The following TMEM132D variants were observed in gnomAD, a reference collection of about 807,000 sequenced individuals.
TMEM132D encodes transmembrane protein 132D.
A neutral mutation model predicts 62.3 loss-of-function variants in TMEM132D; 21 were observed. The observed-to-expected ratio is 0.34, with a 90% CI of 0.24 to 0.49. The LOEUF is 0.49. TMEM132D is among the 20% of genes least tolerant of loss of function. The probability of loss-of-function intolerance (pLI) is 0.99; values close to 1 mark genes in which losing one functional copy is unlikely to be tolerated. For synonymous variants in TMEM132D, 621 were observed against 575.6 expected (o/e 1.08, Z -1.13); for missense variants, 1,346 against 1,402.8 (o/e 0.96, Z 0.65).
chr12:129,554,519 G>T (rs1876997565), intron 2 of TMEM132D, among the ~76,000 whole-genome samples: 1 of 152,028 alleles, frequency 6.6e-6, no homozygotes, highest in Non-Finnish European at 1.5e-5. Context: ...GTTCCATGAG[G>T]CCTCATGGTA....
intron 5 of TMEM132D, among the ~76,000 whole-genome samples, chr12:129,195,867 C>G (rs1022458007): frequency 6.6e-6 from 1 of 152,178 alleles, no homozygotes; most frequent in African/African-American, 2.4e-5. Flanking sequence ...TGGCTCACAG[C>G]TGTAATCCCA....
chr12:129,667,209 C>T (rs1278757392), intron 2 of TMEM132D, among the ~76,000 whole-genome samples: 1 of 152,040 alleles, frequency 6.6e-6, no homozygotes, highest in Non-Finnish European at 1.5e-5. Context: ...AAAATCTTAC[C>T]TTACGGTCAA....
intron 4 of TMEM132D, among the ~76,000 whole-genome samples, chr12:129,309,869 A>G (rs532794425): frequency 5.3e-5 from 8 of 152,274 alleles, no homozygotes; most frequent in African/African-American, 1.9e-4. Context: ...ATAAGAAAAT[A>G]GATACAAAAG....
intron 1 of TMEM132D, chr12:129,853,280 A>T (rs1566008961): frequency 6.6e-6 from 1 of 152,244 alleles, no homozygotes; most frequent in Non-Finnish European, 1.5e-5. Flanking sequence ...GATGAGGAGA[A>T]TGGTTTCCTT....
chr12:129,859,173 G>A (rs563291832), intron 1 of TMEM132D, among the ~76,000 whole-genome samples: 14 of 152,200 alleles, frequency 9.2e-5, no homozygotes, highest in Non-Finnish European at 1.8e-4. Context: ...CCAGAAACCA[G>A]GTTCCCAGCA....
intron 1 of TMEM132D, among the ~76,000 whole-genome samples, chr12:129,866,264 TA>T (rs920547034): frequency 5.9e-5 from 9 of 151,938 alleles, no homozygotes; most frequent in Non-Finnish European, 1.2e-4. Flanking sequence ...TATGCAGCCA[TA>T]AAAAATGATG....
chr12:129,208,892 T>C (rs1878938599), intron 5 of TMEM132D: 2 of 152,284 alleles, frequency 1.3e-5, no homozygotes, highest in Non-Finnish European at 2.9e-5. Context: ...TGCCTTTGTT[T>C]TGAATCATTT....
In TMEM132D at chr12:129,894,406, A is replaced by G. The variant is rs527698041; in HGVS notation, c.79+8855T>C. On this transcript the variant is annotated intron_variant, in intron 1 of 8. Transcript: ENST00000422113. The stretch of plus-strand genomic sequence containing the variant: ...TGGGAGGGGACTCAGCCAAGGGGAT[A>G]TCAAGGCCTATCCACCAGTAGAGCA... Among the ~76,000 whole-genome samples, 6 of 152,334 alleles carry G rather than the reference A, an allele frequency of 3.9e-5. No individual in the cohort carries two copies. In the South Asian group the frequency reaches 1.2e-3, roughly 32 times the overall value.
intron 3 of TMEM132D, among the ~76,000 whole-genome samples, chr12:129,367,137 C>G (rs1870439750): frequency 6.6e-6 from 1 of 152,238 alleles, no homozygotes; most frequent in Non-Finnish European, 1.5e-5. Context: ...CAAGACGACC[C>G]TCAGCCAAGG....
At chr12:129,135,276 G>A (rs1284735946) in intron 5 of TMEM132D, among the ~76,000 whole-genome samples, 1 of 152,058 alleles carries the variant, frequency 6.6e-6, no homozygotes, top group African/African-American at 2.4e-5. Context: ...TCTGTTTCTC[G>A]AAGTCAAGAG....
rs2135611150 is a variant in TMEM132D at position 129,078,601 on chromosome 12, C to G, written c.2048G>C (p.Ser683Thr). The G allele has an allele frequency of 3.7e-6, 6 of 1,614,194 alleles. No homozygotes were observed. Among genetic ancestry groups the G allele is most frequent in the Non-Finnish European group, 5.1e-6 (6 of 1,180,044 alleles). ...VTGLSLSLQL[S>T]PGSNRAIFAT... ...AAAGATGGCCCTGTTGCTTCCTGGG[C>G]TGAGCTGCAAGGAGAGTGACAGCCC... is the stretch of plus-strand genomic sequence containing the variant. The change falls in exon 8 of 9, where the codon AGC (serine) becomes ACC (threonine). Residue 683 changes from serine to threonine, a missense_variant. Physicochemically the swap from Ser to Thr is moderately conservative, Grantham distance 58 (BLOSUM62 1). Transcript: ENST00000422113.
intron 4 of TMEM132D, among the ~76,000 whole-genome samples, chr12:129,335,183 G>A (rs1212999039): frequency 7.0e-6 from 1 of 141,876 alleles, no homozygotes; most frequent in East Asian, 2.1e-4. Context: ...ACAGGCTGGA[G>A]TGCTGTGGTA....
intron 4 of TMEM132D, among the ~76,000 whole-genome samples, chr12:129,291,329 T>C (rs1017598392): frequency 6.6e-6 from 1 of 152,218 alleles, no homozygotes; most frequent in Non-Finnish European, 1.5e-5. Flanking sequence ...AGGTTAAAAG[T>C]AATTATGGTG....
rs1303124680 is a variant in TMEM132D, at chr12:129,636,728, G to GTC, written c.968+63081_968+63082insGA. ...TGTGTGTGTGTGTGTGTGTGTGTGT[G>GTC]TGTGTGTGTGAGAGAGAGAGAGAGA... On this transcript the variant is annotated intron_variant, in intron 2 of 8. Transcript: ENST00000422113. Among the ~76,000 whole-genome samples the GTC allele has an allele frequency of 2.1e-3, 277 of 132,710 alleles. 1 individual carries two copies. The highest frequency in any genetic ancestry group is 7.4e-3 in the African/African-American group (264 of 35,558). 87.1% of individuals were successfully genotyped at this position (132,710 alleles called of 152,430 possible). A position where few individuals can be genotyped will look rare whatever the true frequency, so the allele number is the denominator to read the frequency against.
intron 4 of TMEM132D, among the ~76,000 whole-genome samples, chr12:129,234,046 G>C (rs984830294): frequency 2.0e-5 from 3 of 152,162 alleles, no homozygotes; most frequent in Admixed American, 2.0e-4. Context: ...CATTGAGTTA[G>C]ATATGTGCAT....
intron 2 of TMEM132D, among the ~76,000 whole-genome samples, chr12:129,558,620 G>A (rs554440742): frequency 6.6e-6 from 1 of 152,234 alleles, no homozygotes; most frequent in African/African-American, 2.4e-5. Context: ...CGTAACCCAG[G>A]ACCACACGGG....
intron 1 of TMEM132D, among the ~76,000 whole-genome samples, chr12:129,875,698 G>A (rs1954879563): frequency 6.6e-6 from 1 of 152,116 alleles, no homozygotes; most frequent in Non-Finnish European, 1.5e-5. Context: ...TTGGCAGGGA[G>A]GCAACGGGAA....
At chr12:129,500,902 G>A (rs921368063) in intron 3 of TMEM132D, among the ~76,000 whole-genome samples, 3 of 152,118 alleles carry the variant, frequency 2.0e-5, no homozygotes, top group Non-Finnish European at 1.5e-5. Context: ...TTTTTATGAC[G>A]GATTCCAGTG....
rs548163121 is a variant in TMEM132D, at chr12:129,380,927, T to A, written c.1116-43110A>T. 6.4e-4 allele frequency among the ~76,000 whole-genome samples: 98 copies of A among 152,358 alleles called. 1 individual carries two copies. Among genetic ancestry groups the A allele is most frequent in the Admixed American group, 2.0e-3 (31 of 15,312 alleles). ...GTTCAATCCTTTTTTTGTTGCCAGATGAAATCTTTTCAAATAAATAAATGG... is the reference window on the plus strand; with the variant it reads ...GTTCAATCCTTTTTTTGTTGCCAGAAGAAATCTTTTCAAATAAATAAATGG... On this transcript the variant is annotated intron_variant, in intron 3 of 8. Coordinates refer to ENST00000422113, the MANE Select transcript of TMEM132D (RefSeq NM_133448.3).
Sources: gnomAD v4.1 joint callset for allele counts (sites outside exome capture counted in the v4.1 genomes callset) on GRCh38, gnomAD v4.1.1 for gene constraint, MANE v1.5 for transcripts, NCBI Gene and HGNC (gene_info 2026-07-23, HGNC 2026-07-21) for gene names.